Variants in SLC5A5 observed in about 807,000 individuals in gnomAD.
SLC5A5 encodes sodium/iodide cotransporter.
A neutral mutation model predicts 68.6 loss-of-function variants in SLC5A5; 56 were observed. The observed-to-expected ratio is 0.82, with a 90% confidence interval of 0.66 to 1.02. SLC5A5 has a LOEUF of 1.02. Ranked by LOEUF, SLC5A5 falls within the 50% of genes least tolerant of loss-of-function variation. SLC5A5 has a pLI of 0.00. For missense variants in SLC5A5, 807 were observed against 859.8 expected, an observed-to-expected ratio of 0.94 and a Z score of 0.77; for synonymous variants, 398 against 373.0, an observed-to-expected ratio of 1.07 and a Z score of -0.77.
chr19:17,890,689 A>G (rs927176800), intron 13 of SLC5A5, among the ~76,000 whole-genome samples, 197 bp from the exon 14 acceptor site: 1 of 152,098 alleles, frequency 6.6e-6, no homozygotes, highest in African/African-American at 2.4e-5. Flanking sequence ...ACCTGGCCTC[A>G]CTGATGTTTT....
At position 17,874,701 on chromosome 19, in the gene SLC5A5, C is replaced by G. The variant is rs1419651478; in HGVS notation, c.513C>G (p.Thr171=). The G allele has an allele frequency of 1.9e-6, 3 of 1,614,020 alleles. No homozygotes were observed. The highest frequency in any genetic ancestry group is 8.5e-7 in the Non-Finnish European group (1 of 1,180,038). ...ACATCTGGGCGTCGCTCCTGTCCAC[C>G]GGAATTATCTGCACCTTCTACACGG... ...GLDIWASLLS[T]GIICTFYTAV... The change falls in exon 4 of 15, where the codon ACC becomes ACG. Residue 171 remains threonine, a synonymous_variant. Transcript: ENST00000222248.
intron 14 of SLC5A5, among the ~76,000 whole-genome samples, chr19:17,893,011 CTT>C (rs2030250076): frequency 7.4e-6 from 1 of 134,298 alleles, no homozygotes; most frequent in African/African-American, 2.8e-5. Context: ...TCTTTTTTTT[CTT>C]TCTCTCTCTT....
chr19:17,883,522 A>AG (rs1555753687), intron 10 of SLC5A5, among the ~76,000 whole-genome samples, 159 bp from the exon 11 acceptor site: 11,126 of 143,128 alleles, frequency 0.078, 1,161 homozygotes, highest in African/African-American at 0.24. Context: ...GGCAGGAACA[A>AG]GGGGGGGGGG....
chr19:17,874,025 G>T, intron 1 of SLC5A5, 113 bp from the exon 2 acceptor site: 2 of 751,500 alleles, frequency 2.7e-6, no homozygotes, highest in South Asian at 2.9e-5. Context: ...AGAATCTGGC[G>T]GGCGCGGTTG....
rs139164034 is a variant in SLC5A5, at chr19:17,884,801, T to A, written c.1526+755T>A. Among the ~76,000 whole-genome samples, 15 of 151,796 alleles carry A rather than the reference T, an allele frequency of 9.9e-5. No homozygotes were observed. The East Asian group carries it at 2.9e-3, about 29-fold the overall frequency. ...ATAAATAAATTAAAGTGGCATTTAGTATATTTGTGCAACCATCACCACTAT... is the reference window on the plus strand; with the variant it reads ...ATAAATAAATTAAAGTGGCATTTAGAATATTTGTGCAACCATCACCACTAT... On this transcript the variant is annotated intron_variant, in intron 12 of 14. Transcript: ENST00000222248.
chr19:17,882,963 G>A (rs1048540847), intron 10 of SLC5A5, among the ~76,000 whole-genome samples: 4 of 152,206 alleles, frequency 2.6e-5, no homozygotes, highest in Middle Eastern at 3.4e-3. Context: ...GATTACAGGC[G>A]TGAGCCACCG....
intron 1 of SLC5A5, among the ~76,000 whole-genome samples, chr19:17,873,813 CG>C (rs143974739): frequency 0.022 from 3,390 of 152,280 alleles, 127 homozygotes; most frequent in African/African-American, 0.077. Flanking sequence ...ACCATTGGCC[CG>C]GGGCACTGTC....
chr19:17,891,236 C>T (rs1022112580), intron 14 of SLC5A5, among the ~76,000 whole-genome samples: 5 of 151,994 alleles, frequency 3.3e-5, no homozygotes, highest in Non-Finnish European at 5.9e-5. Context: ...GACAGAGTCT[C>T]GCTCTGTTGC....
chr19:17,874,508 C>T lies in SLC5A5; in HGVS notation c.438C>T (p.Gly146=). The change falls in exon 3 of 15, where the codon GGC becomes GGT. Residue 146 remains glycine, a synonymous_variant. Coordinates refer to ENST00000222248, the MANE Select transcript of SLC5A5 (RefSeq NM_000453.3). ...TCTGTCTACAGATGCTGTACACCGG[C>T]ATCGTAATCTACGCACCGGCCCTCA... ...QYIVATMLYT[G]IVIYAPALIL... 6.2e-7 allele frequency: 1 copy of T among 1,614,024 alleles called. No homozygotes were observed. Among genetic ancestry groups the T allele is most frequent in the Non-Finnish European group, 8.5e-7 (1 of 1,179,998 alleles).
chr19:17,872,752 C>A, intron 1 of SLC5A5, 76 bp downstream of exon 1: 1 of 957,112 alleles, frequency 1.0e-6, no homozygotes, highest in East Asian at 2.4e-5. Context: ...GGCGCTGGGG[C>A]TTTGGGCCGC....
chr19:17,873,096 G>A (rs1263658067), intron 1 of SLC5A5, among the ~76,000 whole-genome samples: 2 of 152,216 alleles, frequency 1.3e-5, no homozygotes, highest in African/African-American at 4.8e-5. Flanking sequence ...GTGCCTCTCT[G>A]TTTGGGTTTC....
At chr19:17,874,240 C>A (rs566756194) in intron 2 of SLC5A5, 37 bp downstream of exon 2, 11 of 1,470,698 alleles carry the variant, frequency 7.5e-6, no homozygotes, top group South Asian at 2.3e-5. Flanking sequence ...CTCAGGGCCC[C>A]GAGAGCGTCA....
intron 5 of SLC5A5, 136 bp from the exon 6 acceptor site, chr19:17,877,587 C>T (rs2094310361): frequency 1.8e-6 from 2 of 1,088,656 alleles, no homozygotes; most frequent in Non-Finnish European, 2.7e-6. Flanking sequence ...GGATTACAGG[C>T]ATGAGCCACT....
chr19:17,884,846 T>TC (rs745451171), intron 12 of SLC5A5, among the ~76,000 whole-genome samples: 25 of 151,330 alleles, frequency 1.7e-4, no homozygotes, highest in Non-Finnish European at 3.5e-4. Flanking sequence ...GAACGTTTCC[T>TC]CTTTTTTTTT....
In SLC5A5 at chr19:17,877,768, G is replaced by T; in HGVS notation, c.744G>T (p.Val248=). The T allele has an allele frequency of 6.2e-7, 1 of 1,614,250 alleles. No homozygotes were observed. The highest frequency in any genetic ancestry group is 1.1e-5 in the South Asian group (1 of 91,092). ...GCCGCTATACATTCTGGACTTTTGT[G>T]GTGGGTGGCACGTTGGTGTGGCTCT... ...PRSRYTFWTF[V]VGGTLVWLSM... The change falls in exon 6 of 15, where the codon GTG becomes GTT. Residue 248 remains valine (V), a synonymous_variant. Transcript: ENST00000222248.
In SLC5A5 at chr19:17,888,462, A is replaced by C. The variant is rs2030014553; in HGVS notation, c.1651+7A>C. On this transcript the variant is annotated splice_region_variant and intron_variant, in intron 13 of 14. Coordinates refer to ENST00000222248, the MANE Select transcript of SLC5A5 (RefSeq NM_000453.3). Reference sequence around the variant, plus strand: ...CTCATCAGCTGCCTGACAGGTAGGTAAACAGAGCATGTGGCCTCAGAGGTC... The same window carrying C: ...CTCATCAGCTGCCTGACAGGTAGGTCAACAGAGCATGTGGCCTCAGAGGTC... The C allele has an allele frequency of 6.8e-6, 11 of 1,613,626 alleles. No individual in the cohort carries two copies. Among genetic ancestry groups the C allele is most frequent in the Non-Finnish European group, 9.3e-6 (11 of 1,179,942 alleles).
At chr19:17,887,723 G>A (rs954806116) in intron 12 of SLC5A5, among the ~76,000 whole-genome samples, 2 of 150,702 alleles carry the variant, frequency 1.3e-5, no homozygotes, top group African/African-American at 4.9e-5. Flanking sequence ...TCAGCCTCTC[G>A]AGTAGCTGGG....
intron 12 of SLC5A5, among the ~76,000 whole-genome samples, chr19:17,886,530 A>G (rs1205407275): frequency 1.3e-5 from 2 of 151,806 alleles, no homozygotes; most frequent in Non-Finnish European, 2.9e-5. Flanking sequence ...GTGGTCTCAA[A>G]CCCCTGACCT....
At chr19:17,875,240 C>T (rs906777238) in intron 4 of SLC5A5, among the ~76,000 whole-genome samples, 2 of 152,034 alleles carry the variant, frequency 1.3e-5, no homozygotes, top group South Asian at 4.1e-4. Context: ...CGCAGTGGCA[C>T]GCGCCTGTAA....
Sources: allele counts gnomAD v4.1 joint callset (sites outside exome capture counted in the v4.1 genomes callset), GRCh38; gene constraint gnomAD v4.1.1; transcripts MANE v1.5; gene names NCBI Gene and HGNC (gene_info 2026-07-23, HGNC 2026-07-21).